The following EDDM13 variants were observed in gnomAD, a reference collection of about 807,000 sequenced individuals.
EDDM13 encodes epididymal protein 13.
In EDDM13, 24 loss-of-function variants were observed where a neutral mutation model predicts 17.8. The observed-to-expected ratio is 1.35, with a 90% CI of 0.98 to 1.90. The LOEUF is 1.90. Among genes scored for constraint, EDDM13 ranks in the 40% most tolerant of loss-of-function variants. The pLI, the probability that EDDM13 is intolerant of heterozygous loss-of-function variation, is 0.00. For missense variants in EDDM13, 97 were observed against 100.8 expected (o/e 0.96, Z 0.16); for synonymous variants, 31 against 37.5 (o/e 0.83, Z 0.63).
chr19:56,295,847 A>G (rs993666543), intron 9 of EDDM13, 112 bp from the exon 10 acceptor site: 3 of 153,138 alleles, frequency 2.0e-5, no homozygotes, highest in Non-Finnish European at 4.4e-5. Flanking sequence ...ATTTTTCCCT[A>G]CATGTGGCCT....
rs1226927159 is a variant in EDDM13 at position 56,302,566 on chromosome 19, TCCTTTTCTTCCTCCC to T, written c.423+485_423+499del. ...CCCCGTTCCTCCCTCCCTCCCCCCT[TCCTTTTCTTCCTCCC>T]CCTTTTCTTCCTCTCCCTCTTCTTC... is the stretch of plus-strand genomic sequence containing the variant. On this transcript the variant is annotated intron_variant, in intron 13 of 14. Transcript: ENST00000649256. Among the ~76,000 whole-genome samples, 175 of 69,584 alleles carry T rather than the reference TCCTTTTCTTCCTCCC, an allele frequency of 2.5e-3. 1 individual carries two copies. In the South Asian group the frequency reaches 0.048, roughly 19 times the overall value. The allele number at this position is 69,584 out of a possible 152,430, so 45.6% of individuals were successfully genotyped here.
chr19:56,301,831 T>C (rs1373786506), intron 12 of EDDM13, 137 bp from the exon 13 acceptor site: 10 of 1,019,344 alleles, frequency 9.8e-6, no homozygotes, highest in Non-Finnish European at 1.3e-5. Flanking sequence ...TGATGGTGGG[T>C]GTGGACCAAA....
At chr19:56,279,413 A>C (rs751225173) in intron 2 of EDDM13, among the ~76,000 whole-genome samples, 2 of 152,256 alleles carry the variant, frequency 1.3e-5, no homozygotes, top group Non-Finnish European at 2.9e-5. Flanking sequence ...AAATGGAAAG[A>C]GCCTTGCAAA....
At chr19:56,292,259 A>G (rs2039559331) in intron 9 of EDDM13, among the ~76,000 whole-genome samples, 1 of 152,190 alleles carries the variant, frequency 6.6e-6, no homozygotes, top group South Asian at 2.1e-4. Context: ...AGTAAAATAT[A>G]CAAAACATGA....
intron 6 of EDDM13, 75 bp downstream of exon 6, chr19:56,285,099 T>A: frequency 1.3e-6 from 1 of 780,436 alleles, no homozygotes; most frequent in African/African-American, 1.9e-5. Context: ...ATTGAGTCAT[T>A]TATGCTTTTA....
At chr19:56,308,873 C>T (rs770958289) in intron 14 of EDDM13, among the ~76,000 whole-genome samples, 4 of 152,108 alleles carry the variant, frequency 2.6e-5, no homozygotes, top group South Asian at 4.1e-4. Context: ...ATTAAAGCAC[C>T]GGTCAAACCA....
At chr19:56,289,633 A>G (rs1289672912) in intron 8 of EDDM13, among the ~76,000 whole-genome samples, 2 of 152,014 alleles carry the variant, frequency 1.3e-5, no homozygotes, top group Non-Finnish European at 2.9e-5. Flanking sequence ...GGTTTTTTTG[A>G]GATGGGTTCT....
intron 4 of EDDM13, chr19:56,283,545 G>A (rs1284960930): frequency 6.6e-6 from 1 of 152,112 alleles, no homozygotes; most frequent in Non-Finnish European, 1.5e-5. Flanking sequence ...CAGTGATACC[G>A]AGAAAGGTGT....
At chr19:56,291,404 T>A (rs554659921) in intron 9 of EDDM13, among the ~76,000 whole-genome samples, 120 of 152,292 alleles carry the variant, frequency 7.9e-4, no homozygotes, top group African/African-American at 2.8e-3. Flanking sequence ...CAAAGAAGCA[T>A]CTCGAGTCAC....
At chr19:56,278,108 T>TC (rs1210843774) in intron 2 of EDDM13, among the ~76,000 whole-genome samples, 1 of 152,100 alleles carries the variant, frequency 6.6e-6, no homozygotes, top group Admixed American at 6.6e-5. Context: ...GCTATTTTTT[T>TC]TTTTTTTAGC....
At chr19:56,299,736 A>G (rs1447483418) in intron 12 of EDDM13, 1 of 152,188 alleles carries the variant, frequency 6.6e-6, no homozygotes, top group Non-Finnish European at 1.5e-5. Context: ...TAGTTATTGT[A>G]CTGTTATATT....
intron 9 of EDDM13, among the ~76,000 whole-genome samples, chr19:56,295,368 C>T (rs1002385141): frequency 6.6e-6 from 1 of 151,914 alleles, no homozygotes; most frequent in African/African-American, 2.4e-5. Flanking sequence ...CTGATGCGGG[C>T]GGATCACCTC....
intron 3 of EDDM13, among the ~76,000 whole-genome samples, chr19:56,282,042 G>A (rs979434090): frequency 6.6e-6 from 1 of 152,158 alleles, no homozygotes; most frequent in African/African-American, 2.4e-5. Context: ...AGGGGCCTTT[G>A]CTCTAGAATG....
At chr19:56,302,600 C>CCCCTCTTCCTTTTCTTCCTCCCCCTT (rs1568726800) in intron 13 of EDDM13, among the ~76,000 whole-genome samples, 1 of 70,862 alleles carries the variant, frequency 1.4e-5, no homozygotes, top group East Asian at 7.6e-4. Context: ...TCCTCTCCCT[C>CCCCTCTTCCTTTTCTTCCTCCCCCTT]TTCTTCCTCT....
rs1023232566 is a variant in EDDM13 at position 56,272,870 on chromosome 19, G to A, written c.36G>A (p.Leu12=). 28 of 985,302 alleles carry A rather than the reference G, an allele frequency of 2.8e-5. No individual in the cohort carries two copies. In the African/African-American group the frequency reaches 4.2e-4, roughly 15 times the overall value. The allele number at this position is 985,302 out of a possible 1,614,324, so 61.0% of individuals were successfully genotyped here. A position where few individuals can be genotyped will look rare whatever the true frequency, so the allele number is the denominator to read the frequency against. Reference sequence around the variant, plus strand: ...CAGAGCCATTTCTGAAAATGTCGCTGCTGATTCTGCTTTTCCTGGGATTGG... The same window carrying A: ...CAGAGCCATTTCTGAAAATGTCGCTACTGATTCTGCTTTTCCTGGGATTGG... ...HRSEPFLKMS[L]LILLFLGLAE... is the part of the protein sequence containing the mutation. Residue 12 remains leucine, a synonymous_variant, in exon 1 of 15, where the codon CTG becomes CTA. Coordinates refer to ENST00000649256, the MANE Select transcript of EDDM13 (RefSeq NM_001354658.2).
At chr19:56,295,429 T>C (rs1600215797) in intron 9 of EDDM13, among the ~76,000 whole-genome samples, 1 of 152,140 alleles carries the variant, frequency 6.6e-6, no homozygotes, top group East Asian at 1.9e-4. Flanking sequence ...CCTCCGTTTC[T>C]ACTAAAAATA....
At chr19:56,285,542 T>C (rs2039042725) in intron 6 of EDDM13, among the ~76,000 whole-genome samples, 1 of 152,232 alleles carries the variant, frequency 6.6e-6, no homozygotes, top group African/African-American at 2.4e-5. Context: ...TTTAGTTTTT[T>C]TTCTAATATA....
chr19:56,309,922 T>C (rs544471177), intron 14 of EDDM13, among the ~76,000 whole-genome samples: 27 of 152,114 alleles, frequency 1.8e-4, no homozygotes, highest in Non-Finnish European at 3.7e-4. Flanking sequence ...TTCCAGCTGC[T>C]GGAACAGCCC....
intron 9 of EDDM13, among the ~76,000 whole-genome samples, chr19:56,291,112 T>C (rs1485237848): frequency 6.6e-6 from 1 of 152,144 alleles, no homozygotes; most frequent in Non-Finnish European, 1.5e-5. Flanking sequence ...GCCCTTGGCA[T>C]ATCACGTCCC....
Sources: allele counts gnomAD v4.1 joint callset (sites outside exome capture counted in the v4.1 genomes callset), GRCh38; gene constraint gnomAD v4.1.1; transcripts MANE v1.5; gene names NCBI Gene and HGNC (gene_info 2026-07-23, HGNC 2026-07-21).